NTAN1: variants seen among roughly 807,000 people sequenced by gnomAD.
NTAN1 encodes protein N-terminal asparagine amidohydrolase.
NTAN1 carries 32 observed loss-of-function variants against 41.9 expected under a neutral mutation model. That is an observed-to-expected ratio of 0.76 (90% CI 0.58 to 1.03). NTAN1 has a LOEUF of 1.03. NTAN1 is among the 50% of genes least tolerant of loss of function. The pLI is 0.00. For synonymous variants in NTAN1, 140 were observed against 139.5 expected (o/e 1.00, Z -0.03); for missense variants, 377 against 377.5 (o/e 1.00, Z 0.01).
intron 1 of NTAN1, among the ~76,000 whole-genome samples, chr16:15,050,510 A>G (rs750862613): frequency 6.6e-6 from 1 of 152,132 alleles, no homozygotes; most frequent in Non-Finnish European, 1.5e-5. Context: ...AGGAGGGAGG[A>G]CTGCTTGAGC....
At chr16:15,050,171 A>G (rs2044241499) in intron 1 of NTAN1, among the ~76,000 whole-genome samples, 1 of 152,248 alleles carries the variant, frequency 6.6e-6, no homozygotes, top group Admixed American at 6.5e-5. Flanking sequence ...TTATTTAGTA[A>G]GCTTGTAAAA....
At position 15,055,826 on chromosome 16, in the gene NTAN1, G is replaced by A. The variant is rs2044489354; in HGVS notation, c.81+65C>T. ...TTCAAGTCTGTGTCGCGTGAGGGGG[G>A]CGCTAGCCCGCCCTGCAGCTTCCCC... On this transcript the variant is annotated intron_variant, in intron 1 of 9. Transcript: ENST00000287706. 1.6e-5 allele frequency: 14 copies of A among 880,462 alleles called. No individual in the cohort carries two copies. In the South Asian group the frequency reaches 7.3e-4, roughly 46 times the overall value. 54.5% of individuals were successfully genotyped at this position (880,462 alleles called of 1,614,324 possible).
intron 8 of NTAN1, 27 bp downstream of exon 8, chr16:15,039,942 C>G: frequency 7.4e-7 from 1 of 1,360,224 alleles, no homozygotes; most frequent in Non-Finnish European, 1.0e-6. Context: ...TTTTTTAACC[C>G]CTTAACAAAG....
At chr16:15,048,597 G>C (rs899324837) in intron 1 of NTAN1, among the ~76,000 whole-genome samples, 6 of 152,110 alleles carry the variant, frequency 3.9e-5, no homozygotes, top group African/African-American at 1.4e-4. Context: ...CACAGGAATA[G>C]TGGATGGATG....
rs756432017 is a variant in NTAN1, at chr16:15,038,059, C to G, written c.905G>C (p.Trp302Ser). 6 of 1,612,658 alleles carry G rather than the reference C, an allele frequency of 3.7e-6. No homozygotes were observed. In the African/African-American group the frequency reaches 6.7e-5, roughly 18 times the overall value. ...ACTTCCTGGAGAAGAGATCTTTTCC[C>G]ACAAGCCATCTTCATTTTTTTTGTA... ...LLYKKNEDGL[W>S]EKISSPGS is the part of the protein sequence containing the mutation. Residue 302 changes from tryptophan (W) to serine (S), a missense_variant, in exon 10 of 10, where the codon TGG becomes TCG. Trp to Ser is a radical substitution (Grantham distance 177). Coordinates refer to ENST00000287706, the MANE Select transcript of NTAN1 (RefSeq NM_173474.4).
intron 4 of NTAN1, 157 bp downstream of exon 4, chr16:15,047,285 G>T (rs555107612): frequency 3.2e-6 from 2 of 623,532 alleles, no homozygotes; most frequent in Non-Finnish European, 5.8e-6. Context: ...AACCACTGCT[G>T]ACGCAGTGCC....
In NTAN1 at chr16:15,038,398, G is replaced by A. The variant is rs771881455; in HGVS notation, c.753+176C>T. ...CTTTACCCACACACATTTCCATCTAGGACTTGACATATCCCCATTTGATAT... is the reference window on the plus strand; with the variant it reads ...CTTTACCCACACACATTTCCATCTAAGACTTGACATATCCCCATTTGATAT... On this transcript the variant is annotated intron_variant, in intron 9 of 9. Coordinates refer to ENST00000287706, the MANE Select transcript of NTAN1 (RefSeq NM_173474.4). 2.8e-4 allele frequency: 175 copies of A among 623,592 alleles called. 1 individual carries two copies. The highest frequency in any genetic ancestry group is 4.2e-4 in the Non-Finnish European group (149 of 355,524). 38.6% of individuals were successfully genotyped at this position (623,592 alleles called of 1,614,324 possible). A position where few individuals can be genotyped will look rare whatever the true frequency, so the allele number is the denominator to read the frequency against.
At chr16:15,042,215 T>A (rs2043848949) in intron 5 of NTAN1, among the ~76,000 whole-genome samples, 1 of 149,910 alleles carries the variant, frequency 6.7e-6, no homozygotes. Flanking sequence ...AGATGGAGTC[T>A]TGCTCTGTCA....
intron 8 of NTAN1, among the ~76,000 whole-genome samples, chr16:15,038,983 T>C (rs12934778): frequency 0.78 from 118,404 of 152,066 alleles, 47,196 homozygotes; most frequent in Admixed American, 0.87. Context: ...TTTCCCAGGT[T>C]ACGTGTCCAG....
intron 4 of NTAN1, 128 bp downstream of exon 4, chr16:15,047,314 G>C: frequency 1.4e-6 from 1 of 692,816 alleles, no homozygotes; most frequent in Non-Finnish European, 2.6e-6. Flanking sequence ...GCCAGGTTCT[G>C]TTCCAGGGGA....
At chr16:15,042,718 C>CTATTTATTTATT (rs58123477) in intron 5 of NTAN1, among the ~76,000 whole-genome samples, 34,012 of 146,874 alleles carry the variant, frequency 0.23, 4,402 homozygotes, top group South Asian at 0.32. Context: ...AAAGGATGAA[C>CTATTTATTTATT]TATTTATTTA....
chr16:15,050,486 A>C (rs959660476), intron 1 of NTAN1, among the ~76,000 whole-genome samples: 1 of 152,154 alleles, frequency 6.6e-6, no homozygotes, highest in African/African-American at 2.4e-5. Context: ...TAATTCCAGC[A>C]CTTTGGGAGG....
chr16:15,048,768 C>A (rs960421972), intron 1 of NTAN1, among the ~76,000 whole-genome samples: 1 of 152,142 alleles, frequency 6.6e-6, no homozygotes, highest in Non-Finnish European at 1.5e-5. Flanking sequence ...GGACTACAGG[C>A]TTGCACCACC....
At position 15,038,566 on chromosome 16, in the gene NTAN1, ACT is replaced by A. The variant is rs1567751699; in HGVS notation, c.753+6_753+7del. 2 of 1,452,444 alleles carry A rather than the reference ACT, an allele frequency of 1.4e-6. No homozygotes were observed. Among genetic ancestry groups the A allele is most frequent in the South Asian group, 1.2e-5 (1 of 86,782 alleles). 90.0% of individuals were successfully genotyped at this position (1,452,444 alleles called of 1,614,324 possible). ...GATTTAAGACTTACCCAGCCTGTAA[ACT>A]CTCACCTCTAGTATTTGCTTGTCAT... On this transcript the variant is annotated splice_donor_region_variant and intron_variant, in intron 9 of 9. Transcript: ENST00000287706.
Position 15,037,936 on chromosome 16 carries a change from G to T in NTAN1, c.*95C>A. ...ACACTGAGGAGGGAAGGAGGCCTAA[G>T]ACCCAACAGATGTAGGATCCAGATC... On this transcript the variant is annotated 3_prime_UTR_variant, in exon 10 of 10. Coordinates refer to ENST00000287706, the MANE Select transcript of NTAN1 (RefSeq NM_173474.4). The T allele has an allele frequency of 1.2e-6, 1 of 828,894 alleles. No homozygotes were observed. Among genetic ancestry groups the T allele is most frequent in the Non-Finnish European group, 2.0e-6 (1 of 510,788 alleles). 51.3% of individuals were successfully genotyped at this position (828,894 alleles called of 1,614,324 possible).
Position 15,047,501 on chromosome 16 carries a change from A to C in NTAN1, c.300T>G (p.Ala100=). ...LTHCDGTDTK[A]EVPLIMNSIK... ...TGGAGTTCATGATCAAGGGGACCTC[A>C]GCTTTGGTGTCGGTTCCGTCACAAT... Residue 100 remains alanine (A), a synonymous_variant, in exon 4 of 10, where the codon GCT becomes GCG. Coordinates refer to ENST00000287706, the MANE Select transcript of NTAN1 (RefSeq NM_173474.4). 6.2e-7 allele frequency: 1 copy of C among 1,614,110 alleles called. No homozygotes were observed. The highest frequency in any genetic ancestry group is 8.5e-7 in the Non-Finnish European group (1 of 1,179,958).
At chr16:15,040,227 A>G (rs940211165) in intron 7 of NTAN1, 161 bp from the exon 8 acceptor site, 4 of 440,940 alleles carry the variant, frequency 9.1e-6, no homozygotes, top group Admixed American at 4.2e-5. Context: ...GGAAAATGCA[A>G]CCTTTACCCC....
In NTAN1 at chr16:15,037,881, G is replaced by GAA. The variant is rs2043585937; in HGVS notation, c.*148_*149dup. 3.6e-6 allele frequency: 2 copies of GAA among 552,252 alleles called. No homozygotes were observed. The highest frequency in any genetic ancestry group is 3.4e-5 in the Admixed American group (1 of 29,556). 34.2% of individuals were successfully genotyped at this position (552,252 alleles called of 1,614,324 possible). A position where few individuals can be genotyped will look rare whatever the true frequency, so the allele number is the denominator to read the frequency against. On this transcript the variant is annotated 3_prime_UTR_variant, in exon 10 of 10. Coordinates refer to ENST00000287706, the MANE Select transcript of NTAN1 (RefSeq NM_173474.4). ...CTTTGCCAAAATAAGGTTTTATTTTGAAAGTCATTTGATGAAAGTCATTTG... is the reference window on the plus strand; with the variant it reads ...CTTTGCCAAAATAAGGTTTTATTTTGAAAAAGTCATTTGATGAAAGTCATTTG...
chr16:15,047,119 T>C, intron 4 of NTAN1: 1 of 350,834 alleles, frequency 2.9e-6, no homozygotes, highest in Non-Finnish European at 5.3e-6. Flanking sequence ...GCGGGAGGAA[T>C]GACTGCATGG....
Sources: gnomAD v4.1 joint callset for allele counts (sites outside exome capture counted in the v4.1 genomes callset) on GRCh38, gnomAD v4.1.1 for gene constraint, MANE v1.5 for transcripts, NCBI Gene and HGNC (gene_info 2026-07-23, HGNC 2026-07-21) for gene names.